Variants in TRMT44 observed in about 807,000 individuals in gnomAD.
TRMT44 encodes probable tRNA (uracil-O(2)-)-methyltransferase.
TRMT44 carries 78 observed loss-of-function variants against 77.3 expected under a neutral mutation model. The observed-to-expected ratio is 1.01, with a 90% CI of 0.84 to 1.22. The LOEUF is 1.22. Ranked by LOEUF, TRMT44 falls within the 50% of genes most tolerant of loss-of-function variation. The pLI, the probability that TRMT44 is intolerant of heterozygous loss-of-function variation, is 0.00. For missense variants in TRMT44, 1,090 were observed against 964.4 expected, an observed-to-expected ratio of 1.13 and a Z score of -1.73; for synonymous variants, 391 against 383.3, an observed-to-expected ratio of 1.02 and a Z score of -0.23.
At chr4:8,473,620 G>A (rs901983471) in intron 10 of TRMT44, 3 of 152,440 alleles carry the variant, frequency 2.0e-5, no homozygotes, top group African/African-American at 7.2e-5. Context: ...CCTGTGCTGA[G>A]GTAGAGTCCC....
At chr4:8,457,825 T>C (rs1725900230) in intron 6 of TRMT44, among the ~76,000 whole-genome samples, 2 of 152,058 alleles carry the variant, frequency 1.3e-5, no homozygotes, top group Admixed American at 6.5e-5. Flanking sequence ...AGGGTGGAAG[T>C]GTCATGCCTG....
chr4:8,472,786 G>C (rs972619093), intron 10 of TRMT44, among the ~76,000 whole-genome samples: 1 of 141,706 alleles, frequency 7.1e-6, no homozygotes, highest in African/African-American at 2.9e-5. Flanking sequence ...GCTGGGCTGG[G>C]CCTGCTGGCT....
At chr4:8,447,704 C>T (rs904457648) in intron 2 of TRMT44, among the ~76,000 whole-genome samples, 25 of 152,134 alleles carry the variant, frequency 1.6e-4, no homozygotes, top group African/African-American at 5.8e-4. Flanking sequence ...AGCATGAAGC[C>T]CTTTGAGAAC....
intron 5 of TRMT44, chr4:8,453,705 A>T (rs941515418): frequency 1.3e-5 from 2 of 151,824 alleles, no homozygotes; most frequent in African/African-American, 4.8e-5. Context: ...AGCAACTTAT[A>T]CCCCTCCTGG....
intron 2 of TRMT44, chr4:8,482,262 C>G (rs1347776601): frequency 6.6e-6 from 1 of 152,238 alleles, no homozygotes; most frequent in African/African-American, 2.4e-5. Context: ...GTTTGCCGTC[C>G]TAGCCACAGC....
Position 8,449,814 on chromosome 4 carries a change from C to T in TRMT44, c.880C>T (p.Leu294Phe). The change falls in exon 3 of 11, where the codon CTT (leucine) becomes TTT (phenylalanine). Residue 294 changes from leucine (L) to phenylalanine (F), a missense_variant. Coordinates refer to ENST00000389737, the MANE Select transcript of TRMT44 (RefSeq NM_152544.3). ...ENKKSDFKST[L>F]SLISIMKYSK... Reference sequence around the variant, plus strand: ...CAAGAAGAGTGACTTTAAAAGCACCCTTTCCCTCATCTCCATTATGAAGTA... The same window carrying T: ...CAAGAAGAGTGACTTTAAAAGCACCTTTTCCCTCATCTCCATTATGAAGTA... 6.5e-7 allele frequency: 1 copy of T among 1,535,986 alleles called. No individual in the cohort carries two copies. The highest frequency in any genetic ancestry group is 8.7e-7 in the Non-Finnish European group (1 of 1,146,858).
intron 6 of TRMT44, among the ~76,000 whole-genome samples, chr4:8,459,577 C>T (rs1349958121): frequency 6.6e-6 from 1 of 152,192 alleles, no homozygotes; most frequent in African/African-American, 2.4e-5. Context: ...TCATAGTCCA[C>T]TTAAAAAATA....
At chr4:8,454,602 G>A in intron 5 of TRMT44, 140 bp from the exon 6 acceptor site, 1 of 721,998 alleles carries the variant, frequency 1.4e-6, no homozygotes, top group Non-Finnish European at 2.4e-6. Context: ...GACACATCAG[G>A]ATGGGTATGA....
At chr4:8,492,733 C>T (rs189721464) in intron 2 of TRMT44, among the ~76,000 whole-genome samples, 22 of 152,322 alleles carry the variant, frequency 1.4e-4, no homozygotes, top group East Asian at 7.7e-4. Flanking sequence ...GAGATAGATG[C>T]GTCTCTGCCT....
At chr4:8,490,540 C>T (rs369983882) in intron 2 of TRMT44, among the ~76,000 whole-genome samples, 36 of 152,108 alleles carry the variant, frequency 2.4e-4, no homozygotes, top group African/African-American at 6.8e-4. Flanking sequence ...CAGACCTTCG[C>T]GGTGAGTGTT....
intron 6 of TRMT44, among the ~76,000 whole-genome samples, chr4:8,460,280 G>A (rs1281389512): frequency 6.6e-6 from 1 of 152,206 alleles, no homozygotes; most frequent in Non-Finnish European, 1.5e-5. Context: ...GGGTCACAGA[G>A]CCTCATCTGC....
chr4:8,468,094 G>T lies in TRMT44; in HGVS notation c.1675G>T (p.Ala559Ser). The change falls in exon 9 of 11, where the codon GCT becomes TCT. Residue 559 changes from alanine to serine, a missense_variant. By Grantham distance (99) the Ala-to-Ser change is moderately conservative (BLOSUM62 1). Transcript: ENST00000389737. ...TGCTGGTCACTGTGACGGTCAGCAA[G>T]CTCTGGACGCCAGGGTCGGGTGTGT... ...GSAGHCDGQQ[A>S]LDARVGCVTR... 1 of 1,613,978 alleles carries T rather than the reference G, an allele frequency of 6.2e-7. No homozygotes were observed.
At chr4:8,465,697 T>C (rs1256448442) in intron 8 of TRMT44, 136 bp downstream of exon 8, 9 of 780,158 alleles carry the variant, frequency 1.2e-5, no homozygotes, top group Non-Finnish European at 2.0e-6. Context: ...TTTCTGTGCC[T>C]CTGTCACTGA....
chr4:8,463,201 T>C (rs1195017008), intron 6 of TRMT44, among the ~76,000 whole-genome samples: 1 of 152,180 alleles, frequency 6.6e-6, no homozygotes, highest in African/African-American at 2.4e-5. Flanking sequence ...ACTGGAAAAT[T>C]AAGAAGATTT....
In TRMT44 at chr4:8,463,837, G is replaced by A. The variant is rs1356453196; in HGVS notation, c.1204-148G>A. On this transcript the variant is annotated intron_variant, in intron 6 of 10. Coordinates refer to ENST00000389737, the MANE Select transcript of TRMT44 (RefSeq NM_152544.3). ...CTAGGGAGGATACATTGACTTCCCCGCTCTTCCCCGCTCTTGGTCATGCAG... is the reference window on the plus strand; with the variant it reads ...CTAGGGAGGATACATTGACTTCCCCACTCTTCCCCGCTCTTGGTCATGCAG... The A allele has an allele frequency of 6.3e-6, 4 of 638,196 alleles. No individual in the cohort carries two copies. The Admixed American group carries it at 1.2e-4, about 19-fold the overall frequency. The allele number at this position is 638,196 out of a possible 1,614,324, so 39.5% of individuals were successfully genotyped here. A position where few individuals can be genotyped will look rare whatever the true frequency, so the allele number is the denominator to read the frequency against.
At chr4:8,473,962 GCTC>G (rs370309262) in intron 10 of TRMT44, among the ~76,000 whole-genome samples, 7 of 152,300 alleles carry the variant, frequency 4.6e-5, no homozygotes, top group African/African-American at 7.2e-5. Context: ...ATCAGCGCCC[GCTC>G]CTCAGTCCTT....
Position 8,470,916 on chromosome 4 carries a change from C to T in TRMT44, c.1928-168C>T, listed in dbSNP as rs77668141. 1,200 of 553,614 alleles carry T rather than the reference C, an allele frequency of 2.2e-3. 19 individuals carry two copies. The highest frequency in any genetic ancestry group is 0.02 in the African/African-American group (1,060 of 52,000). The allele number at this position is 553,614 out of a possible 1,614,324, so 34.3% of individuals were successfully genotyped here. ...CTGGGTGGGGACGCCACGGCCCTCA[C>T]GGTTTGGTGCGGTGTGGTGTGGGTT... On this transcript the variant is annotated intron_variant, in intron 9 of 10. Transcript: ENST00000389737.
intron 1 of TRMT44, among the ~76,000 whole-genome samples, chr4:8,443,917 G>A (rs1724905284): frequency 6.6e-6 from 1 of 151,558 alleles, no homozygotes; most frequent in East Asian, 1.9e-4. Flanking sequence ...CCAAGATTGT[G>A]CCACTGCATT....
chr4:8,446,062 C>T lies in TRMT44; in HGVS notation c.620-414C>T, dbSNP rs1383155899. ...TGTTAGGAAGGCCTGGACTGATATC[C>T]GCTTTCCTGAACTGGCCTCTGATGG... On this transcript the variant is annotated intron_variant, in intron 1 of 10. Coordinates refer to ENST00000389737, the MANE Select transcript of TRMT44 (RefSeq NM_152544.3). This position sits in a 1 kb window ranked among gnomAD's most constrained non-coding sequence, Gnocchi z 4.3. Among the ~76,000 whole-genome samples, 10 of 152,216 alleles carry T rather than the reference C, an allele frequency of 6.6e-5. No homozygotes were observed. Among genetic ancestry groups the T allele is most frequent in the Admixed American group, 5.2e-4 (8 of 15,282 alleles).
Sources: gnomAD v4.1 joint callset for allele counts (sites outside exome capture counted in the v4.1 genomes callset) on GRCh38, gnomAD v4.1.1 for gene constraint, Gnocchi (gnomAD v3.1) non-coding constraint, MANE v1.5 for transcripts, NCBI Gene and HGNC (gene_info 2026-07-23, HGNC 2026-07-21) for gene names.